Variants in COL26A1 observed in about 807,000 individuals in gnomAD.
The protein encoded by COL26A1 is collagen type XXVI alpha 1 chain.
COL26A1 carries 41 observed loss-of-function variants against 59.3 expected under a neutral mutation model. The observed-to-expected ratio is 0.69, with a 90% CI of 0.54 to 0.90. The LOEUF is 0.90. Ranked by LOEUF, COL26A1 falls within the 40% of genes least tolerant of loss-of-function variation. The pLI is 0.00. For synonymous variants in COL26A1, 266 were observed against 256.0 expected (o/e 1.04, Z -0.37); for missense variants, 612 against 602.3 (o/e 1.02, Z -0.17).
At chr7:101,552,104 G>A (rs76703108) in intron 10 of COL26A1, among the ~76,000 whole-genome samples, 1,721 of 152,366 alleles carry the variant, frequency 0.011, 16 homozygotes, top group Middle Eastern at 0.051. Flanking sequence ...TGCTTGTCTA[G>A]TGACCAAACA....
chr7:101,532,233 G>A (rs998841846), intron 3 of COL26A1, among the ~76,000 whole-genome samples: 4 of 152,042 alleles, frequency 2.6e-5, no homozygotes, highest in Admixed American at 6.6e-5. Context: ...TTGGCCTTCC[G>A]GGCTCCAGTC....
At chr7:101,472,686 C>T (rs898008320) in intron 3 of COL26A1, among the ~76,000 whole-genome samples, 2 of 152,192 alleles carry the variant, frequency 1.3e-5, no homozygotes, top group African/African-American at 4.8e-5. Flanking sequence ...ACAGCCCTTC[C>T]CTCAGCCAAC....
chr7:101,499,108 G>A (rs1424035166), intron 3 of COL26A1, among the ~76,000 whole-genome samples: 2 of 152,232 alleles, frequency 1.3e-5, no homozygotes, highest in African/African-American at 4.8e-5. Flanking sequence ...CGGCTGGGGA[G>A]GGGGAGGCCG....
intron 3 of COL26A1, among the ~76,000 whole-genome samples, chr7:101,477,121 G>A (rs1411004545): frequency 2.0e-5 from 3 of 152,166 alleles, no homozygotes; most frequent in Non-Finnish European, 2.9e-5. Flanking sequence ...TGGGATTACA[G>A]CCATGAGCCA....
chr7:101,475,615 C>T (rs1012897029), intron 3 of COL26A1, among the ~76,000 whole-genome samples: 1 of 151,602 alleles, frequency 6.6e-6, no homozygotes, highest in Non-Finnish European at 1.5e-5. Context: ...TGTGTGTGTT[C>T]GATGTGTGTG....
Position 101,539,319 on chromosome 7 carries a change from T to TGC in COL26A1, c.448-572_448-571dup, listed in dbSNP as rs1228082610. Among the ~76,000 whole-genome samples, 50 of 148,458 alleles carry TGC rather than the reference T, an allele frequency of 3.4e-4. No individual in the cohort carries two copies. In the South Asian group the frequency reaches 4.2e-3, roughly 13 times the overall value. On this transcript the variant is annotated intron_variant, in intron 4 of 12. Transcript: ENST00000313669. ...ATGTGTGTGTGTGTGTGTGTGTGTG[T>TGC]GCGTATGTGTGTGTGCTTTTTTTTT...
chr7:101,535,160 C>A (rs1333884663), intron 4 of COL26A1, among the ~76,000 whole-genome samples: 1 of 152,194 alleles, frequency 6.6e-6, no homozygotes, highest in Non-Finnish European at 1.5e-5. Context: ...AGAGACCCAG[C>A]TGCTCTCCTT....
In COL26A1 at chr7:101,447,771, G is replaced by C; in HGVS notation, c.369G>C (p.Gly123=). Residue 123 remains glycine, a synonymous_variant, in exon 3 of 13, where the codon GGG becomes GGC. Transcript: ENST00000313669. ...LEWRCCPGFT[G]SNCDEECMNC... ...GGAGATGCTGCCCTGGCTTCACCGG[G>C]AGCAACTGTGATGAGGGTAAGTTGG... is the stretch of plus-strand genomic sequence containing the variant. The C allele has an allele frequency of 6.2e-7, 1 of 1,600,578 alleles. No homozygotes were observed. Among genetic ancestry groups the C allele is most frequent in the South Asian group, 1.1e-5 (1 of 88,260 alleles).
At chr7:101,405,346 T>A (rs933293354) in intron 1 of COL26A1, among the ~76,000 whole-genome samples, 1 of 152,162 alleles carries the variant, frequency 6.6e-6, no homozygotes, top group Non-Finnish European at 1.5e-5. Flanking sequence ...TACATTTTTT[T>A]TTTTTTAGAG....
chr7:101,387,692 T>A (rs1313992705), intron 1 of COL26A1, among the ~76,000 whole-genome samples: 2 of 140,920 alleles, frequency 1.4e-5, no homozygotes, highest in South Asian at 2.2e-4. Context: ...GAGAGAGATT[T>A]TATATATATA....
intron 3 of COL26A1, among the ~76,000 whole-genome samples, chr7:101,518,759 G>GC (rs1200904425): frequency 6.6e-6 from 1 of 152,152 alleles, no homozygotes; most frequent in Non-Finnish European, 1.5e-5. Context: ...TATCCTTGCT[G>GC]CCCCAAACAA....
Position 101,544,105 on chromosome 7 carries a change from A to AC in COL26A1, c.703+15dup. On this transcript the variant is annotated intron_variant, in intron 6 of 12. Coordinates refer to ENST00000313669, the MANE Select transcript of COL26A1 (RefSeq NM_001278563.3). ...TCCAGCGGGGCCGCCTGGTAAGAAA[A>AC]CCCCCCACATATGTGATGTTGTCAA... 6.3e-7 allele frequency: 1 copy of AC among 1,586,236 alleles called. No homozygotes were observed.
intron 3 of COL26A1, among the ~76,000 whole-genome samples, chr7:101,527,574 T>C (rs890643070): frequency 2.2e-4 from 34 of 152,000 alleles, no homozygotes; most frequent in Non-Finnish European, 4.3e-4. Flanking sequence ...AACCTCGTGA[T>C]CCGCCCACCT....
At chr7:101,383,930 A>G (rs1240054335) in intron 1 of COL26A1, among the ~76,000 whole-genome samples, 1 of 152,168 alleles carries the variant, frequency 6.6e-6, no homozygotes. Flanking sequence ...TCGGCCTCCC[A>G]AAGTGCTGGG....
chr7:101,518,043 G>T (rs915551043), intron 3 of COL26A1, among the ~76,000 whole-genome samples: 3 of 151,918 alleles, frequency 2.0e-5, no homozygotes, highest in Admixed American at 6.6e-5. Flanking sequence ...TGAACTTCTT[G>T]GCTCAAGAGA....
chr7:101,386,632 A>G (rs1344902658), intron 1 of COL26A1, among the ~76,000 whole-genome samples: 1 of 152,078 alleles, frequency 6.6e-6, no homozygotes, highest in Non-Finnish European at 1.5e-5. Context: ...TGTGAATTAA[A>G]ACAATCCCTT....
At chr7:101,534,581 G>A (rs1795439824) in intron 4 of COL26A1, among the ~76,000 whole-genome samples, 1 of 151,838 alleles carries the variant, frequency 6.6e-6, no homozygotes, top group Non-Finnish European at 1.5e-5. Context: ...TAATACCCAT[G>A]GTCACATGCA....
At chr7:101,412,803 C>T (rs1792273817) in intron 1 of COL26A1, among the ~76,000 whole-genome samples, 1 of 152,132 alleles carries the variant, frequency 6.6e-6, no homozygotes, top group Non-Finnish European at 1.5e-5. Flanking sequence ...GTTGCAACAC[C>T]ACTGGCTTGT....
Position 101,541,486 on chromosome 7 carries a change from G to A in COL26A1, c.604+1437G>A, listed in dbSNP as rs190791869. On this transcript the variant is annotated intron_variant, in intron 5 of 12. Transcript: ENST00000313669. ...CAGCCTCCCAAGTAGTTGGGACTAC[G>A]AGTGCACACCACCACACTTGGCTTT... 5.3e-5 allele frequency among the ~76,000 whole-genome samples: 8 copies of A among 150,360 alleles called. No individual in the cohort carries two copies. The East Asian group carries it at 1.2e-3, about 22-fold the overall frequency.
Sources: allele counts gnomAD v4.1 joint callset (sites outside exome capture counted in the v4.1 genomes callset), GRCh38; gene constraint gnomAD v4.1.1; transcripts MANE v1.5; gene names NCBI Gene and HGNC (gene_info 2026-07-23, HGNC 2026-07-21).